LRRC74B: variants seen among roughly 807,000 people sequenced by gnomAD.
LRRC74B encodes the protein leucine-rich repeat-containing protein 74B.
Under a neutral mutation model 16.6 loss-of-function variants are expected in LRRC74B, and 30 were observed. The ratio of observed to expected loss-of-function variants is 1.80; its 90% confidence interval spans 1.35 to 2.45. The LOEUF is 2.45. Among genes scored for constraint, LRRC74B ranks in the 30% most tolerant of loss-of-function variants. The probability of loss-of-function intolerance (pLI) is 0.00; values close to 1 mark genes in which losing one functional copy is unlikely to be tolerated. For missense variants in LRRC74B, 326 were observed against 202.4 expected (o/e 1.61, Z -3.71); for synonymous variants, 134 against 86.0 (o/e 1.56, Z -3.09).
chr22:21,049,204 G>C, intron 4 of LRRC74B, 47 bp downstream of exon 4: 1 of 682,428 alleles, frequency 1.5e-6, no homozygotes, highest in Non-Finnish European at 2.7e-6. Context: ...CAGCTTCCTG[G>C]GGCAGGGATG....
downstream of LRRC74B, chr22:21,061,849 T>C (rs372377549): frequency 6.6e-6 from 1 of 152,262 alleles, no homozygotes; most frequent in East Asian, 1.9e-4. Flanking sequence ...CAATGTGGTA[T>C]ATCCATACAG....
intron 6 of LRRC74B, among the ~76,000 whole-genome samples, 173 bp from the exon 7 acceptor site, chr22:21,054,911 CTCTGAACGGTGTCA>C: frequency 6.6e-6 from 1 of 152,298 alleles, no homozygotes; most frequent in South Asian, 2.1e-4. Context: ...CGTGTGATTC[CTCTGAACGGTGTCA>C]TCTCCACCTT....
chr22:21,060,503 C>G (rs1930759891), exon 9 of LRRC74B: 1 of 714,538 alleles, frequency 1.4e-6, no homozygotes, highest in African/African-American at 1.7e-5. Flanking sequence ...TTCAGATCAG[C>G]CCTGCCAGCG....
intron 2 of LRRC74B, among the ~76,000 whole-genome samples, 176 bp from the exon 3 acceptor site, chr22:21,047,708 G>A (rs938256511): frequency 1.3e-5 from 2 of 152,144 alleles, no homozygotes; most frequent in Non-Finnish European, 2.9e-5. Context: ...TAACCCGCTG[G>A]GGGGTCAGGG....
At chr22:21,050,699 A>G (rs5752524) in intron 4 of LRRC74B, among the ~76,000 whole-genome samples, 1 of 148,194 alleles carries the variant, frequency 6.7e-6, no homozygotes, top group Non-Finnish European at 1.5e-5. Context: ...AATGGCATGA[A>G]CCCAGGAGGC....
intron 6 of LRRC74B, chr22:21,053,784 T>C: frequency 5.0e-6 from 1 of 200,346 alleles, no homozygotes; most frequent in Non-Finnish European, 1.0e-5. Context: ...TCACCAAGCC[T>C]GGCTAATTTT....
chr22:21,056,596 G>GCGCACACACACA (rs1462295221), intron 7 of LRRC74B: 4 of 140,304 alleles, frequency 2.9e-5, no homozygotes, highest in South Asian at 2.4e-4. Context: ...CAAGCTTGGA[G>GCGCACACACACA]CACACACACA....
Position 21,048,257 on chromosome 22 carries a change from C to A in LRRC74B, c.415+241C>A. 5.9e-6 allele frequency: 3 copies of A among 509,224 alleles called. No homozygotes were observed. The South Asian group carries it at 6.2e-5, about 10-fold the overall frequency. 31.5% of individuals were successfully genotyped at this position (509,224 alleles called of 1,614,324 possible). ...CACCATCACTCCCCTCCCTTGCTGG[C>A]CAGCATCCCCCTCTTCACCTAGCAC... On this transcript the variant is annotated intron_variant, in intron 3 of 8. Transcript: ENST00000442047.
intron 4 of LRRC74B, among the ~76,000 whole-genome samples, chr22:21,050,575 G>C (rs1394697779): frequency 6.6e-6 from 1 of 151,698 alleles, no homozygotes; most frequent in African/African-American, 2.4e-5. Context: ...TCAGGAGATC[G>C]AGACCATCCT....
At chr22:21,052,207 T>C (rs1601814293) in intron 4 of LRRC74B, 42 bp from the exon 5 acceptor site, 1 of 716,398 alleles carries the variant, frequency 1.4e-6, no homozygotes, top group East Asian at 2.7e-5. Flanking sequence ...TTTGAAGGAG[T>C]GAAGAGAGTG....
At chr22:21,046,263 T>G in intron 1 of LRRC74B, 138 bp downstream of exon 1, 1 of 608,818 alleles carries the variant, frequency 1.6e-6, no homozygotes, top group South Asian at 1.9e-5. Context: ...TGCCTTCCCT[T>G]CATTGCTCCT....
chr22:21,056,527 A>G (rs1304259670), intron 7 of LRRC74B: 4 of 149,074 alleles, frequency 2.7e-5, no homozygotes, highest in African/African-American at 9.9e-5. Context: ...GTAACATAGC[A>G]TGTCATGGGG....
At chr22:21,059,251 A>G (rs1287794311) in intron 8 of LRRC74B, among the ~76,000 whole-genome samples, 1 of 152,194 alleles carries the variant, frequency 6.6e-6, no homozygotes, top group African/African-American at 2.4e-5. Flanking sequence ...AGCCGGGCAT[A>G]GTGGTATGCA....
exon 5 of LRRC74B, chr22:21,052,319 C>T (rs1375074527): frequency 2.8e-6 from 2 of 717,546 alleles, no homozygotes; most frequent in East Asian, 5.4e-5. Flanking sequence ...GGAATCACCT[C>T]CGGGGCCCAG....
At chr22:21,054,478 G>A (rs1008276889) in intron 6 of LRRC74B, among the ~76,000 whole-genome samples, 2 of 152,210 alleles carry the variant, frequency 1.3e-5, no homozygotes, top group African/African-American at 4.8e-5. Flanking sequence ...GGGAGGTCAC[G>A]GGCCAGAGGC....
chr22:21,062,208 G>A (rs1930840869), downstream of LRRC74B: 1 of 152,222 alleles, frequency 6.6e-6, no homozygotes, highest in Non-Finnish European at 1.5e-5. Flanking sequence ...CAGAGAAATG[G>A]AAGTATTGGA....
chr22:21,060,392 A>C (rs982496611), exon 9 of LRRC74B: 2 of 716,228 alleles, frequency 2.8e-6, no homozygotes, highest in African/African-American at 3.5e-5. Flanking sequence ...GTGAACGCAG[A>C]GTTTGATGGC....
intron 7 of LRRC74B, among the ~76,000 whole-genome samples, chr22:21,055,665 T>A (rs1157359975): frequency 6.6e-6 from 1 of 152,164 alleles, no homozygotes; most frequent in Non-Finnish European, 1.5e-5. Flanking sequence ...AGGGGACCAC[T>A]GTGCCCACAG....
chr22:21,051,590 C>A (rs1050775629), intron 4 of LRRC74B, among the ~76,000 whole-genome samples: 1 of 152,162 alleles, frequency 6.6e-6, no homozygotes, highest in Non-Finnish European at 1.5e-5. Context: ...CCTCTGCCCC[C>A]ACCCAGCCCA....
Sources: allele counts gnomAD v4.1 joint callset (sites outside exome capture counted in the v4.1 genomes callset), GRCh38; gene constraint gnomAD v4.1.1; transcripts MANE v1.5; gene names NCBI Gene and HGNC (gene_info 2026-07-23, HGNC 2026-07-21).